Variants in TMTC1 observed in about 807,000 individuals in gnomAD.
TMTC1 encodes the protein transmembrane O-mannosyltransferase targeting cadherins 1, also known as protein O-mannosyl-transferase TMTC1.
TMTC1 carries 73 observed loss-of-function variants against 104.8 expected under a neutral mutation model. The observed-to-expected ratio is 0.70, with a 90% CI of 0.58 to 0.85. TMTC1 has a LOEUF of 0.85. Ranked by LOEUF, TMTC1 falls within the 40% of genes least tolerant of loss-of-function variation. TMTC1 has a pLI of 0.00. For synonymous variants in TMTC1, 434 were observed against 428.7 expected (o/e 1.01, Z -0.15); for missense variants, 1,035 against 1,096.1 (o/e 0.94, Z 0.79).
intron 7 of TMTC1, among the ~76,000 whole-genome samples, chr12:29,602,345 T>C (rs980277439): frequency 6.6e-5 from 10 of 152,124 alleles, no homozygotes; most frequent in Admixed American, 2.6e-4. Flanking sequence ...GGTCTCACCA[T>C]GTTGCCCAGG....
chr12:29,549,753 G>T (rs1171097701), intron 10 of TMTC1, among the ~76,000 whole-genome samples: 1 of 152,152 alleles, frequency 6.6e-6, no homozygotes, highest in Non-Finnish European at 1.5e-5. Flanking sequence ...TGTCTTCTGG[G>T]TGTGTGTACA....
intron 10 of TMTC1, among the ~76,000 whole-genome samples, chr12:29,548,909 AT>A (rs929048124): frequency 1.0e-3 from 144 of 142,442 alleles, no homozygotes; most frequent in African/African-American, 3.2e-3. Flanking sequence ...TTATTAATAT[AT>A]TTATTTACAT....
chr12:29,668,913 C>T (rs1461340142), intron 5 of TMTC1, among the ~76,000 whole-genome samples: 1 of 152,178 alleles, frequency 6.6e-6, no homozygotes, highest in Non-Finnish European at 1.5e-5. Context: ...TAAAAGTTAA[C>T]GCATGTAGTG....
At chr12:29,536,940 G>A (rs575729665) in intron 10 of TMTC1, among the ~76,000 whole-genome samples, 57 of 152,118 alleles carry the variant, frequency 3.7e-4, no homozygotes, top group South Asian at 1.2e-3. Flanking sequence ...TCTTCATTTG[G>A]TTCTTCCCCC....
chr12:29,646,884 G>A (rs117065920), intron 5 of TMTC1, among the ~76,000 whole-genome samples: 2,878 of 152,226 alleles, frequency 0.019, 38 homozygotes, highest in Non-Finnish European at 0.027. Context: ...ATCCAATCTT[G>A]TGACTTACCC....
rs562959114 is a variant in TMTC1, at chr12:29,612,789, C to T, written c.1129-8490G>A. 8.9e-4 allele frequency among the ~76,000 whole-genome samples: 135 copies of T among 152,270 alleles called. 1 individual carries two copies. Among genetic ancestry groups the T allele is most frequent in the Non-Finnish European group, 1.8e-3 (121 of 68,020 alleles). On this transcript the variant is annotated intron_variant, in intron 6 of 17. Coordinates refer to ENST00000539277, the MANE Select transcript of TMTC1 (RefSeq NM_001193451.2). ...ATCCTCTGATCACAGTGGGATAAAACATAATTTATTTGACTGATCTTAGTT... is the reference window on the plus strand; with the variant it reads ...ATCCTCTGATCACAGTGGGATAAAATATAATTTATTTGACTGATCTTAGTT...
intron 5 of TMTC1, among the ~76,000 whole-genome samples, chr12:29,697,645 A>C (rs1941463671): frequency 6.6e-6 from 1 of 152,200 alleles, no homozygotes; most frequent in Non-Finnish European, 1.5e-5. Context: ...GTTCTAGCCC[A>C]AGGACTGGCG....
At chr12:29,544,629 C>A (rs548494636) in intron 10 of TMTC1, among the ~76,000 whole-genome samples, 2 of 152,176 alleles carry the variant, frequency 1.3e-5, no homozygotes, top group African/African-American at 4.8e-5. Flanking sequence ...GCTGGTTCTG[C>A]GCATGGGGGC....
At chr12:29,710,987 A>T (rs982234124) in intron 5 of TMTC1, among the ~76,000 whole-genome samples, 140 of 136,016 alleles carry the variant, frequency 1.0e-3, no homozygotes, top group East Asian at 5.3e-3. Context: ...ATATATATAT[A>T]TTTTTTCCCC....
At chr12:29,713,601 A>T (rs1941998230) in intron 5 of TMTC1, among the ~76,000 whole-genome samples, 1 of 152,210 alleles carries the variant, frequency 6.6e-6, no homozygotes, top group South Asian at 2.1e-4. Flanking sequence ...GATCTCATCA[A>T]AAGACTTTTG....
chr12:29,556,787 T>G, intron 10 of TMTC1, 70 bp downstream of exon 10: 4 of 1,591,880 alleles, frequency 2.5e-6, no homozygotes, highest in Non-Finnish European at 3.4e-6. Flanking sequence ...CACAATCAAA[T>G]GAGTGTTGAG....
At chr12:29,643,063 C>G (rs953210053) in intron 5 of TMTC1, among the ~76,000 whole-genome samples, 3 of 151,918 alleles carry the variant, frequency 2.0e-5, no homozygotes, top group African/African-American at 7.3e-5. Flanking sequence ...CACTAATGAT[C>G]GGGGAAATGC....
At position 29,501,711 on chromosome 12, in the gene TMTC1, G is replaced by A. The variant is rs1943599221; in HGVS notation, c.*5135C>T. 1 of 152,202 alleles carries A rather than the reference G, an allele frequency of 6.6e-6. No individual in the cohort carries two copies. Among genetic ancestry groups the A allele is most frequent in the Non-Finnish European group, 1.5e-5 (1 of 68,036 alleles). The allele number at this position is 152,202 out of a possible 1,614,324, so 9.4% of individuals were successfully genotyped here. ...ATGTCTCTCCAGGTAGGAGTCAATGGTGATCTATGCTTACAAACCAATAAT... is the reference window on the plus strand; with the variant it reads ...ATGTCTCTCCAGGTAGGAGTCAATGATGATCTATGCTTACAAACCAATAAT... On this transcript the variant is annotated 3_prime_UTR_variant, in exon 18 of 18. Coordinates refer to ENST00000539277, the MANE Select transcript of TMTC1 (RefSeq NM_001193451.2).
At chr12:29,757,379 C>G (rs1943239042) in intron 3 of TMTC1, among the ~76,000 whole-genome samples, 1 of 152,168 alleles carries the variant, frequency 6.6e-6, no homozygotes, top group African/African-American at 2.4e-5. Flanking sequence ...CACTAGATGC[C>G]ATGAACACCA....
intron 5 of TMTC1, among the ~76,000 whole-genome samples, chr12:29,736,487 T>G (rs1210660207): frequency 6.6e-6 from 1 of 152,140 alleles, no homozygotes; most frequent in Non-Finnish European, 1.5e-5. Context: ...TGGCGCGATC[T>G]GGGCTCACTG....
At chr12:29,726,072 T>C (rs1420663929) in intron 5 of TMTC1, among the ~76,000 whole-genome samples, 1 of 152,208 alleles carries the variant, frequency 6.6e-6, no homozygotes, top group Non-Finnish European at 1.5e-5. Flanking sequence ...GTATTTGGCC[T>C]GAGCAGAATT....
At chr12:29,552,734 T>C (rs931567241) in intron 10 of TMTC1, among the ~76,000 whole-genome samples, 1 of 152,268 alleles carries the variant, frequency 6.6e-6, no homozygotes, top group African/African-American at 2.4e-5. Flanking sequence ...TCTAAAGAGA[T>C]AACTTGGATT....
intron 5 of TMTC1, among the ~76,000 whole-genome samples, chr12:29,700,171 C>T (rs1941544512): frequency 6.6e-6 from 1 of 151,948 alleles, no homozygotes; most frequent in Non-Finnish European, 1.5e-5. Flanking sequence ...GCCTCAGCCT[C>T]CCAAATAGCT....
At chr12:29,580,693 T>C (rs2136322628) in intron 8 of TMTC1, among the ~76,000 whole-genome samples, 1 of 152,324 alleles carries the variant, frequency 6.6e-6, no homozygotes, top group East Asian at 1.9e-4. Context: ...GCTCCTGTTT[T>C]GGGCCATTAC....
Sources: allele counts gnomAD v4.1 joint callset (sites outside exome capture counted in the v4.1 genomes callset), GRCh38; gene constraint gnomAD v4.1.1; transcripts MANE v1.5; gene names NCBI Gene and HGNC (gene_info 2026-07-23, HGNC 2026-07-21).